The following TET3 variants were observed in gnomAD, a reference collection of about 807,000 sequenced individuals.
TET3 encodes the protein tet methylcytosine dioxygenase 3, also known as methylcytosine dioxygenase TET3.
In TET3, 19 loss-of-function variants were observed where a neutral mutation model predicts 141.4. The ratio of observed to expected loss-of-function variants is 0.13; its 90% confidence interval spans 0.09 to 0.20. TET3 has a LOEUF of 0.20. Among genes scored for constraint, TET3 ranks in the 10% least tolerant of loss-of-function variants. The probability of loss-of-function intolerance (pLI) is 1.00; values close to 1 mark genes in which losing one functional copy is unlikely to be tolerated. For synonymous variants in TET3, 1,043 were observed against 980.9 expected (o/e 1.06, Z -1.18); for missense variants, 1,874 against 2,356.9 (o/e 0.80, Z 4.24).
At chr2:74,128,665 A>G in the TET3 span, among the ~76,000 whole-genome samples, 3 of 152,024 alleles carry the variant, frequency 2.0e-5, no homozygotes, top group African/African-American at 7.3e-5. Flanking sequence ...TTCTAAAACA[A>G]TAAAGACTAT....
chr2:74,111,699 T>C (rs1468849725), downstream of TET3, among the ~76,000 whole-genome samples: 1 of 152,236 alleles, frequency 6.6e-6, no homozygotes, highest in Non-Finnish European at 1.5e-5. Flanking sequence ...TTGGTCTAAA[T>C]GTGAGACCCT....
At chr2:74,061,025 T>C (rs1165924624) in intron 4 of TET3, among the ~76,000 whole-genome samples, 2 of 152,116 alleles carry the variant, frequency 1.3e-5, no homozygotes, top group Non-Finnish European at 2.9e-5. Context: ...CAATGAGCTG[T>C]TGGGCACACC....
chr2:74,029,841 A>G (rs976873800), intron 3 of TET3, among the ~76,000 whole-genome samples: 1 of 152,208 alleles, frequency 6.6e-6, no homozygotes, highest in Admixed American at 6.5e-5. Context: ...ATATCCTGTC[A>G]GTAACTACAC....
chr2:74,005,554 A>T (rs763592209), intron 3 of TET3, among the ~76,000 whole-genome samples: 63 of 152,234 alleles, frequency 4.1e-4, no homozygotes, highest in Admixed American at 1.4e-3. Context: ...GTCGTGGTGT[A>T]AGAAGGATAT....
chr2:74,098,085 G>GA (rs1383364578), intron 10 of TET3, among the ~76,000 whole-genome samples: 2 of 152,254 alleles, frequency 1.3e-5, no homozygotes, highest in South Asian at 2.1e-4. Context: ...GAAATTAGTG[G>GA]AAAAAATATA....
the TET3 span, among the ~76,000 whole-genome samples, chr2:74,118,334 G>A: frequency 6.6e-6 from 1 of 152,196 alleles, no homozygotes; most frequent in Non-Finnish European, 1.5e-5. Flanking sequence ...TGCTTGATAT[G>A]TACCATGGAT....
rs527802606 is a variant in TET3 at position 74,104,396 on chromosome 2, A to C, written c.*2220A>C. 2 of 152,344 alleles carry C rather than the reference A, an allele frequency of 1.3e-5. No individual in the cohort carries two copies. Among genetic ancestry groups the C allele is most frequent in the Admixed American group, 1.3e-4 (2 of 15,302 alleles). 9.4% of individuals were successfully genotyped at this position (152,344 alleles called of 1,614,324 possible). ...CAAGCTAAAGGAAGCAGAGTCTTTA[A>C]TGAGCATGCTAATTTTCTAGTTTTG... On this transcript the variant is annotated 3_prime_UTR_variant, in exon 12 of 12. Coordinates refer to ENST00000409262, the MANE Select transcript of TET3 (RefSeq NM_001287491.2).
intron 4 of TET3, among the ~76,000 whole-genome samples, chr2:74,067,289 A>T (rs978654045): frequency 6.6e-6 from 1 of 152,236 alleles, no homozygotes; most frequent in Non-Finnish European, 1.5e-5. Context: ...GATCTTCAAC[A>T]ATTCTATTAT....
chr2:74,028,216 C>G (rs1686484008), intron 3 of TET3, among the ~76,000 whole-genome samples: 1 of 151,084 alleles, frequency 6.6e-6, no homozygotes, highest in Non-Finnish European at 1.5e-5. Context: ...GTCTCAGACT[C>G]CTGGCATCAA....
Position 74,048,026 on chromosome 2 carries a change from C to G in TET3, c.2109C>G (p.Ala703=), listed in dbSNP as rs762266112. The G allele has an allele frequency of 3.7e-6, 6 of 1,609,162 alleles. No homozygotes were observed. The South Asian group carries it at 6.6e-5, about 18-fold the overall frequency. The stretch of plus-strand genomic sequence containing the variant: ...GCTCCACTGGCCCTCTTCCCCCTGC[C>G]GATGACAAGCTGGAAGAGCTCATCC... ...QPGSTGPLPP[A]DDKLEELIRQ... Residue 703 remains alanine, a synonymous_variant, in exon 4 of 12, where the codon GCC becomes GCG. Coordinates refer to ENST00000409262, the MANE Select transcript of TET3 (RefSeq NM_001287491.2).
chr2:74,045,392 T>C (rs1490375359), intron 3 of TET3, among the ~76,000 whole-genome samples: 1 of 152,240 alleles, frequency 6.6e-6, no homozygotes, highest in African/African-American at 2.4e-5. Flanking sequence ...CCTTCTGTGT[T>C]TTCTCTTAGC....
At chr2:74,053,174 T>G (rs1688039526) in intron 4 of TET3, among the ~76,000 whole-genome samples, 1 of 152,238 alleles carries the variant, frequency 6.6e-6, no homozygotes, top group Non-Finnish European at 1.5e-5. Flanking sequence ...TTATCACAAG[T>G]TGAATTTCTA....
intron 3 of TET3, among the ~76,000 whole-genome samples, chr2:74,009,933 C>T (rs1196603133): frequency 6.6e-6 from 1 of 152,214 alleles, no homozygotes; most frequent in African/African-American, 2.4e-5. Context: ...AAGCTCTGGG[C>T]AGGTGGGCTG....
At chr2:74,095,993 G>T (rs1690800811) in intron 10 of TET3, among the ~76,000 whole-genome samples, 1 of 152,198 alleles carries the variant, frequency 6.6e-6, no homozygotes, top group Non-Finnish European at 1.5e-5. Context: ...TTTATTACTA[G>T]AGAGGTTGAA....
intron 3 of TET3, among the ~76,000 whole-genome samples, chr2:74,043,303 G>A (rs1020531265): frequency 8.5e-5 from 13 of 152,196 alleles, no homozygotes; most frequent in Admixed American, 1.3e-4. Flanking sequence ...TCCCACTGGG[G>A]TCAGGGAAAA....
rs1558798231 is a variant in TET3 at position 74,101,647 on chromosome 2, G to T, written c.4859G>T (p.Gly1620Val). Residue 1620 changes from glycine to valine, a missense_variant, in exon 12 of 12, where the codon GGA (glycine) becomes GTA (valine). By Grantham distance (109) the Gly-to-Val change is moderately radical. This residue lies in a region of TET3 where 602 missense variants were observed against 590.2 expected (regional missense o/e 1.02). Transcript: ENST00000409262. This position sits in a 1 kb window ranked among gnomAD's most constrained non-coding sequence, Gnocchi z 8.5. The part of the protein sequence containing the change: ...EGPAEEPPSK[G>V]AVKEEKGGGG... ...CCGGCTGAGGAGCCCCCCAGCAAGG[G>T]AGCGGTGAAGGAGGAGAAGGGCGGT... The T allele has an allele frequency of 1.2e-6, 2 of 1,613,720 alleles. No homozygotes were observed. The highest frequency in any genetic ancestry group is 1.7e-5 in the Admixed American group (1 of 60,016).
rs562957516 is a variant in TET3 at position 73,989,024 on chromosome 2, A to G, written c.303+2318A>G. 2.8e-5 allele frequency among the ~76,000 whole-genome samples: 4 copies of G among 141,878 alleles called. No individual in the cohort carries two copies. In the South Asian group the frequency reaches 8.6e-4, roughly 31 times the overall value. The allele number at this position is 141,878 out of a possible 152,430, so 93.1% of individuals were successfully genotyped here. A position where few individuals can be genotyped will look rare whatever the true frequency, so the allele number is the denominator to read the frequency against. ...GTTTTTTTTTTTTTTTGGTCCATGA[A>G]GGCTGAATGCCAGAGAGTCACTGTC... On this transcript the variant is annotated intron_variant, in intron 2 of 11. Transcript: ENST00000409262.
chr2:74,117,836 C>G, the TET3 span, among the ~76,000 whole-genome samples: 33,313 of 152,122 alleles, frequency 0.22, 4,141 homozygotes, highest in East Asian at 0.49. Context: ...ACCTCTGCCT[C>G]CCGGATTCAA....
chr2:74,058,894 T>G (rs1688351765), intron 4 of TET3, among the ~76,000 whole-genome samples: 1 of 152,226 alleles, frequency 6.6e-6, no homozygotes, highest in South Asian at 2.1e-4. Flanking sequence ...AGAATAACAT[T>G]TCACGACTCA....
Sources: allele counts gnomAD v4.1 joint callset (sites outside exome capture counted in the v4.1 genomes callset), GRCh38; gene constraint gnomAD v4.1.1; regional missense constraint gnomAD v4.1.1; non-coding constraint Gnocchi (gnomAD v3.1); transcripts MANE v1.5; gene names NCBI Gene and HGNC (gene_info 2026-07-23, HGNC 2026-07-21).